CAMTA1: variants seen among roughly 807,000 people sequenced by gnomAD.
The protein encoded by CAMTA1 is calmodulin binding transcription activator 1.
Under a neutral mutation model 170.9 loss-of-function variants are expected in CAMTA1, and 27 were observed. That is an observed-to-expected ratio of 0.16 (90% CI 0.12 to 0.22). The LOEUF is 0.22. Among genes scored for constraint, CAMTA1 ranks in the 10% least tolerant of loss-of-function variants. The probability of loss-of-function intolerance (pLI) is 1.00; values close to 1 mark genes in which losing one functional copy is unlikely to be tolerated. For synonymous variants in CAMTA1, 833 were observed against 891.5 expected, an observed-to-expected ratio of 0.93 and a Z score of 1.17; for missense variants, 1,619 against 2,217.2, an observed-to-expected ratio of 0.73 and a Z score of 5.42.
rs1674529599 is a variant in CAMTA1 at position 7,300,004 on chromosome 1, G to T, written c.438+50378G>T. 1.3e-5 allele frequency among the ~76,000 whole-genome samples: 2 copies of T among 152,138 alleles called. No homozygotes were observed. The highest frequency in any genetic ancestry group is 6.5e-5 in the Admixed American group (1 of 15,278). ...GATTCCTTTAAGATCCAGAACAACTGCTCCCTGTACCTTAAGTAATTATCA... is the reference window on the plus strand; with the variant it reads ...GATTCCTTTAAGATCCAGAACAACTTCTCCCTGTACCTTAAGTAATTATCA... On this transcript the variant is annotated intron_variant, in intron 5 of 22. Coordinates refer to ENST00000303635, the MANE Select transcript of CAMTA1 (RefSeq NM_015215.4). The surrounding 1 kb of genome is among the most constrained non-coding windows in gnomAD (Gnocchi z 4.1).
chr1:7,442,484 C>A (rs998322700), intron 5 of CAMTA1, among the ~76,000 whole-genome samples: 3 of 152,122 alleles, frequency 2.0e-5, no homozygotes, highest in African/African-American at 7.2e-5. Flanking sequence ...GTTCGCATAC[C>A]AATGGCCCGG....
Position 7,538,400 on chromosome 1 carries a change from A to G in CAMTA1, c.510+70499A>G, listed in dbSNP as rs147950074. The stretch of plus-strand genomic sequence containing the variant: ...CCCAGGCTGGGTGCAGTGTAATCCC[A>G]GCACTTTGGGGGGCCACAGCGGGGG... On this transcript the variant is annotated intron_variant, in intron 6 of 22. Transcript: ENST00000303635. 2.0e-4 allele frequency among the ~76,000 whole-genome samples: 30 copies of G among 152,298 alleles called. No homozygotes were observed. In the East Asian group the frequency reaches 5.6e-3, roughly 28 times the overall value.
At chr1:6,814,745 A>G (rs1382863773) in intron 1 of CAMTA1, among the ~76,000 whole-genome samples, 4 of 152,350 alleles carry the variant, frequency 2.6e-5, no homozygotes, top group African/African-American at 2.4e-5. Flanking sequence ...TAAAGGTGCT[A>G]AGATTCAGGC....
intron 5 of CAMTA1, among the ~76,000 whole-genome samples, chr1:7,431,671 A>G (rs1269717697): frequency 6.6e-6 from 1 of 152,168 alleles, no homozygotes; most frequent in Non-Finnish European, 1.5e-5. Context: ...CCGCTCAAGC[A>G]TACCCCAGCC....
At chr1:7,529,491 G>A (rs1219918866) in intron 6 of CAMTA1, among the ~76,000 whole-genome samples, 1 of 152,170 alleles carries the variant, frequency 6.6e-6, no homozygotes, top group Non-Finnish European at 1.5e-5. Flanking sequence ...TGTTGTCACA[G>A]ACAAGGAACT....
chr1:7,436,617 C>T (rs2092356151), intron 5 of CAMTA1, among the ~76,000 whole-genome samples: 2 of 152,172 alleles, frequency 1.3e-5, no homozygotes, highest in Admixed American at 6.5e-5. Flanking sequence ...GTCCCTCCTC[C>T]CAGCTCCCCA....
chr1:7,542,993 T>C (rs1412018419), intron 6 of CAMTA1, among the ~76,000 whole-genome samples: 2 of 151,990 alleles, frequency 1.3e-5, no homozygotes, highest in African/African-American at 4.8e-5. Context: ...GCCTCCCGAG[T>C]AGCTGGGACT....
rs1692580203 is a variant in CAMTA1, at chr1:6,971,792, G to A, written c.235-119512G>A. Among the ~76,000 whole-genome samples, 2 of 152,174 alleles carry A rather than the reference G, an allele frequency of 1.3e-5. No homozygotes were observed. Among genetic ancestry groups the A allele is most frequent in the Admixed American group, 6.5e-5 (1 of 15,284 alleles). On this transcript the variant is annotated intron_variant, in intron 3 of 22. Transcript: ENST00000303635. This position sits in a 1 kb window ranked among gnomAD's most constrained non-coding sequence, Gnocchi z 4.6. ...GAAAAGGCCAGGCCTGCCTGTGGCC[G>A]CCCCCGGGTCTCAGCAATGGCATTA... is the stretch of plus-strand genomic sequence containing the variant.
At chr1:7,082,589 G>T (rs1398907375) in intron 3 of CAMTA1, among the ~76,000 whole-genome samples, 2 of 152,062 alleles carry the variant, frequency 1.3e-5, no homozygotes, top group Admixed American at 1.3e-4. Flanking sequence ...CCACAGTTTG[G>T]TGCCTCCCCC....
At chr1:7,029,371 G>A (rs1572548299) in intron 3 of CAMTA1, among the ~76,000 whole-genome samples, 1 of 151,666 alleles carries the variant, frequency 6.6e-6, no homozygotes, top group Non-Finnish European at 1.5e-5. Context: ...GCGTGGTGGC[G>A]GGTGCCTGTA....
rs2096176219 is a variant in CAMTA1, at chr1:7,680,268, C to T, written c.2914+2535C>T. On this transcript the variant is annotated intron_variant, in intron 11 of 22. Coordinates refer to ENST00000303635, the MANE Select transcript of CAMTA1 (RefSeq NM_015215.4). The surrounding 1 kb of genome is among the most constrained non-coding windows in gnomAD (Gnocchi z 4.4). ...TCCCGGCCCCTCCCCTCGGTCTCCG[C>T]AGCTTCTCGGCTCAGCCCCTCCCGT... is the stretch of plus-strand genomic sequence containing the variant. 4.9e-5 allele frequency: 11 copies of T among 225,468 alleles called. 1 individual carries two copies. The highest frequency in any genetic ancestry group is 4.2e-4 in the South Asian group (11 of 26,380). 14.0% of individuals were successfully genotyped at this position (225,468 alleles called of 1,614,324 possible).
chr1:7,239,723 T>A (rs1303303263), intron 4 of CAMTA1, among the ~76,000 whole-genome samples: 1 of 145,854 alleles, frequency 6.9e-6, no homozygotes, highest in African/African-American at 2.5e-5. Flanking sequence ...AATGGAATAC[T>A]ACAGACTGGG....
chr1:7,647,186 C>T (rs1159813377), intron 7 of CAMTA1, among the ~76,000 whole-genome samples: 1 of 152,148 alleles, frequency 6.6e-6, no homozygotes, highest in South Asian at 2.1e-4. Context: ...TTCCGGAGGC[C>T]CTCGCTGTTG....
At chr1:7,351,359 G>A (rs546503162) in intron 5 of CAMTA1, among the ~76,000 whole-genome samples, 312 of 152,340 alleles carry the variant, frequency 2.0e-3, no homozygotes, top group Non-Finnish European at 3.7e-3. Context: ...CCTGAATGCC[G>A]CCAGGCTCCT....
intron 4 of CAMTA1, among the ~76,000 whole-genome samples, chr1:7,237,359 C>G (rs1429863002): frequency 6.6e-6 from 1 of 152,162 alleles, no homozygotes; most frequent in African/African-American, 2.4e-5. Flanking sequence ...AGATCCACCG[C>G]AAGTCCACGG....
chr1:7,157,613 G>A (rs1393086664), intron 4 of CAMTA1, among the ~76,000 whole-genome samples: 7 of 152,142 alleles, frequency 4.6e-5, no homozygotes, highest in Non-Finnish European at 8.8e-5. Context: ...TAGATGGTAC[G>A]AACAATTTGG....
intron 3 of CAMTA1, among the ~76,000 whole-genome samples, chr1:6,951,713 G>C (rs1003903143): frequency 3.3e-5 from 5 of 152,134 alleles, no homozygotes; most frequent in African/African-American, 9.7e-5. Context: ...CCCAGAGTGG[G>C]TCCAGGGTCC....
chr1:6,866,393 C>T (rs911609342), intron 3 of CAMTA1, among the ~76,000 whole-genome samples: 9 of 152,092 alleles, frequency 5.9e-5, no homozygotes, highest in African/African-American at 2.2e-4. Flanking sequence ...TACAGGAAGC[C>T]AGTGGAAAGA....
intron 3 of CAMTA1, among the ~76,000 whole-genome samples, chr1:6,893,738 T>G (rs1381302316): frequency 6.6e-6 from 1 of 152,210 alleles, no homozygotes; most frequent in Admixed American, 6.5e-5. Flanking sequence ...CCATAATCCT[T>G]GCTTTTGTAC....
Sources: gnomAD v4.1 joint callset for allele counts (sites outside exome capture counted in the v4.1 genomes callset) on GRCh38, gnomAD v4.1.1 for gene constraint, Gnocchi (gnomAD v3.1) non-coding constraint, MANE v1.5 for transcripts, NCBI Gene and HGNC (gene_info 2026-07-23, HGNC 2026-07-21) for gene names.